ADA2: variants seen among roughly 807,000 people sequenced by gnomAD.
ADA2 encodes the protein adenosine deaminase 2.
Under a neutral mutation model 44.2 loss-of-function variants are expected in ADA2, and 29 were observed. That is an observed-to-expected ratio of 0.66 (90% CI 0.49 to 0.89). The LOEUF (loss-of-function observed/expected upper bound fraction) is 0.89. Among genes scored for constraint, ADA2 ranks in the 40% least tolerant of loss-of-function variants. The pLI is 0.00. For synonymous variants in ADA2, 215 were observed against 234.9 expected (o/e 0.92, Z 0.77); for missense variants, 637 against 644.8 (o/e 0.99, Z 0.13).
intron 4 of ADA2, among the ~76,000 whole-genome samples, chr22:17,200,274 G>T (rs1399583006): frequency 6.6e-6 from 1 of 152,236 alleles, no homozygotes; most frequent in Non-Finnish European, 1.5e-5. Flanking sequence ...AGCAAAGTCA[G>T]CTCATCAATT....
At position 17,200,898 on chromosome 22, in the gene ADA2, A is replaced by G. The variant is rs186138868; in HGVS notation, c.753+2665T>C. The stretch of plus-strand genomic sequence containing the variant: ...ACTCTGCCTCAAAAAAAAAAAAAAC[A>G]TATCTAAGGAAAAAGGTGGGTCAGT... On this transcript the variant is annotated intron_variant, in intron 4 of 9. Coordinates refer to ENST00000399837, the MANE Select transcript of ADA2 (RefSeq NM_001282225.2). 7.9e-4 allele frequency among the ~76,000 whole-genome samples: 118 copies of G among 149,368 alleles called. 1 individual carries two copies. Among genetic ancestry groups the G allele is most frequent in the African/African-American group, 2.7e-3 (109 of 40,202 alleles).
At chr22:17,209,104 TA>T (rs1255403324) in intron 2 of ADA2, among the ~76,000 whole-genome samples, 1 of 151,970 alleles carries the variant, frequency 6.6e-6, no homozygotes, top group Non-Finnish European at 1.5e-5. Flanking sequence ...CTGGGAAAAC[TA>T]AAAAGGGAAT....
intron 4 of ADA2, among the ~76,000 whole-genome samples, chr22:17,194,607 G>GC (rs1252037427): frequency 5.9e-5 from 9 of 152,042 alleles, no homozygotes; most frequent in South Asian, 4.1e-4. Flanking sequence ...ACGTCACACA[G>GC]CCCCCCACAA....
At chr22:17,198,460 C>T (rs1601446983) in intron 4 of ADA2, 1 of 152,214 alleles carries the variant, frequency 6.6e-6, no homozygotes, top group South Asian at 2.1e-4. Flanking sequence ...TCTCGTAAAG[C>T]GACACCAGCA....
rs967563514 is a variant in ADA2 at position 17,190,016 on chromosome 22, C to T, written c.898G>A (p.Val300Ile). 3 of 1,613,476 alleles carry T rather than the reference C, an allele frequency of 1.9e-6. No homozygotes were observed. In the African/African-American group the frequency reaches 4.0e-5, roughly 22 times the overall value. The change falls in exon 6 of 10, where the codon GTC (valine) becomes ATC (isoleucine). Residue 300 changes from valine (V) to isoleucine (I), a missense_variant. Val to Ile is a conservative substitution (Grantham distance 29, BLOSUM62 3). Coordinates refer to ENST00000399837, the MANE Select transcript of ADA2 (RefSeq NM_001282225.2). ...YSDHRSKDVA[V>I]IAESIRMAMG... ...GCCATTCGGATGGATTCTGCGATGA[C>T]AGCCACATCTTTGGATCTGTGAGAC...
At chr22:17,206,312 C>T (rs2062353036) in intron 3 of ADA2, among the ~76,000 whole-genome samples, 1 of 152,012 alleles carries the variant, frequency 6.6e-6, no homozygotes, top group African/African-American at 2.4e-5. Flanking sequence ...CAAAAATTAG[C>T]CAGGCATGGT....
chr22:17,203,516 G>A, intron 4 of ADA2, 47 bp downstream of exon 4: 1 of 1,477,898 alleles, frequency 6.8e-7, no homozygotes, highest in Non-Finnish European at 9.4e-7. Flanking sequence ...TCTGAGTCAG[G>A]CCAGAGCAAA....
chr22:17,219,279 G>C (rs1366522146), intron 1 of ADA2, 77 bp downstream of exon 1: 1 of 152,334 alleles, frequency 6.6e-6, no homozygotes, highest in Admixed American at 6.5e-5. Flanking sequence ...GGTGCAGGTG[G>C]ATCAAGCCCA....
In ADA2 at chr22:17,188,434, T is replaced by C; in HGVS notation, c.986A>G (p.Asp329Gly). ...GTAGTCATGCAAGGAGTGGCCAGTGTCCTCATGCCCCACCTGCAGGACAGA... is the reference window on the plus strand; with the variant it reads ...GTAGTCATGCAAGGAGTGGCCAGTGCCCTCATGCCCCACCTGCAGGACAGA... The part of the protein sequence containing the change: ...VAGFDLVGHE[D>G]TGHSLHDYKE... The change falls in exon 7 of 10, where the codon GAC becomes GGC. Residue 329 changes from aspartate to glycine, a missense_variant. Coordinates refer to ENST00000399837, the MANE Select transcript of ADA2 (RefSeq NM_001282225.2). 6.2e-7 allele frequency: 1 copy of C among 1,613,114 alleles called. No homozygotes were observed. The highest frequency in any genetic ancestry group is 8.5e-7 in the Non-Finnish European group (1 of 1,179,156).
chr22:17,198,942 G>C (rs751634951), intron 4 of ADA2, among the ~76,000 whole-genome samples: 2 of 152,198 alleles, frequency 1.3e-5, no homozygotes, highest in African/African-American at 4.8e-5. Context: ...ATTAGCCTGC[G>C]ACCAGGCAGG....
chr22:17,193,501 C>T (rs781752576), intron 4 of ADA2, among the ~76,000 whole-genome samples: 1 of 150,070 alleles, frequency 6.7e-6, no homozygotes, highest in Non-Finnish European at 1.5e-5. Flanking sequence ...CTCGTCTCTA[C>T]TAAAAATACA....
At chr22:17,183,955 CT>C (rs33921509) in intron 7 of ADA2, among the ~76,000 whole-genome samples, 16 of 79,756 alleles carry the variant, frequency 2.0e-4, no homozygotes, top group East Asian at 3.6e-4. Context: ...TCACACCTTT[CT>C]TTTTTTTTTT....
chr22:17,207,113 T>A lies in ADA2; in HGVS notation c.500A>T (p.Asp167Val). The change falls in exon 3 of 10, where the codon GAT becomes GTT. Residue 167 changes from aspartate (D) to valine (V), a missense_variant. Physicochemically the swap from Asp to Val is radical, Grantham distance 152. Transcript: ENST00000399837. ...GACGTTCTGCACCCGCTTCCGATAA[T>A]CCTCCAGCAGAATCCACTTGGAACA... ...EKCSKWILLE[D>V]YRKRVQNVTE... 6.2e-7 allele frequency: 1 copy of A among 1,614,194 alleles called. No individual in the cohort carries two copies. Among genetic ancestry groups the A allele is most frequent in the Non-Finnish European group, 8.5e-7 (1 of 1,180,022 alleles).
chr22:17,202,117 G>A (rs550302399), intron 4 of ADA2, among the ~76,000 whole-genome samples: 46 of 147,314 alleles, frequency 3.1e-4, no homozygotes, highest in African/African-American at 1.1e-3. Context: ...TTACAGGTGC[G>A]CACCACCATG....
At chr22:17,189,894 T>A in intron 6 of ADA2, 48 bp downstream of exon 6, 1 of 1,366,334 alleles carries the variant, frequency 7.3e-7, no homozygotes, top group South Asian at 1.2e-5. Context: ...ACAGGCATCC[T>A]CGCATGCCCC....
At chr22:17,187,663 A>AG (rs2062051195) in intron 7 of ADA2, among the ~76,000 whole-genome samples, 3 of 131,160 alleles carry the variant, frequency 2.3e-5, no homozygotes, top group Non-Finnish European at 4.9e-5. Context: ...ACCACGAAAA[A>AG]TTAAAAAAAA....
chr22:17,199,433 T>TATCCTCTTCCCCTCCCTCCCCTCCTCG, intron 4 of ADA2: 1 of 978,046 alleles, frequency 1.0e-6, no homozygotes, highest in Non-Finnish European at 1.6e-6. Flanking sequence ...TCCCCTCCTC[T>TATCCTCTTCCCCTCCCTCCCCTCCTCG]ATCCTCTTCC....
chr22:17,192,023 A>G (rs535936533), intron 4 of ADA2, among the ~76,000 whole-genome samples: 5 of 151,996 alleles, frequency 3.3e-5, no homozygotes, highest in South Asian at 4.2e-4. Context: ...CCAGCCATCA[A>G]CGAGCTCTGG....
chr22:17,194,038 A>G (rs2062158806), intron 4 of ADA2, among the ~76,000 whole-genome samples: 1 of 151,000 alleles, frequency 6.6e-6, no homozygotes, highest in Non-Finnish European at 1.5e-5. Context: ...AAAAAAAAGA[A>G]ACAATAGAAT....
Sources: allele counts gnomAD v4.1 joint callset (sites outside exome capture counted in the v4.1 genomes callset), GRCh38; gene constraint gnomAD v4.1.1; transcripts MANE v1.5; gene names NCBI Gene and HGNC (gene_info 2026-07-23, HGNC 2026-07-21).